ERBB4: variants seen among roughly 807,000 people sequenced by gnomAD.
ERBB4 encodes the protein receptor tyrosine-protein kinase erbB-4.
Under a neutral mutation model 158.0 loss-of-function variants are expected in ERBB4, and 42 were observed. The observed-to-expected ratio is 0.27, with a 90% confidence interval of 0.21 to 0.34. ERBB4 has a LOEUF of 0.34. Among genes scored for constraint, ERBB4 ranks in the 10% least tolerant of loss-of-function variants. The probability of loss-of-function intolerance (pLI) is 1.00; values close to 1 mark genes in which losing one functional copy is unlikely to be tolerated. For synonymous variants in ERBB4, 583 were observed against 558.7 expected, an observed-to-expected ratio of 1.04 and a Z score of -0.61; for missense variants, 1,333 against 1,624.1, an observed-to-expected ratio of 0.82 and a Z score of 3.08.
intron 1 of ERBB4, among the ~76,000 whole-genome samples, chr2:212,426,061 TCTC>T (rs1488731926): frequency 6.6e-6 from 1 of 152,014 alleles, no homozygotes; most frequent in Non-Finnish European, 1.5e-5. Flanking sequence ...TGAGACTTTA[TCTC>T]CTTTCACATT....
intron 3 of ERBB4, among the ~76,000 whole-genome samples, chr2:211,855,245 A>C (rs957863012): frequency 4.6e-5 from 7 of 152,130 alleles, no homozygotes; most frequent in African/African-American, 1.7e-4. Flanking sequence ...TTTGGATATA[A>C]GTCTTTGCCA....
At chr2:211,614,347 T>A (rs1463252464) in intron 19 of ERBB4, among the ~76,000 whole-genome samples, 1 of 151,964 alleles carries the variant, frequency 6.6e-6, no homozygotes, top group Non-Finnish European at 1.5e-5. Flanking sequence ...AGGCCTACTA[T>A]TTGATAGCAC....
At chr2:211,877,142 G>A (rs115157552) in intron 3 of ERBB4, among the ~76,000 whole-genome samples, 2 of 152,282 alleles carry the variant, frequency 1.3e-5, no homozygotes, top group Admixed American at 6.5e-5. Context: ...CAACTCTTAG[G>A]ACGAGTACAT....
intron 3 of ERBB4, among the ~76,000 whole-genome samples, chr2:211,823,649 A>G (rs909912392): frequency 2.6e-5 from 4 of 152,022 alleles, no homozygotes; most frequent in Non-Finnish European, 5.9e-5. Context: ...GGTAAATTCA[A>G]TGTTAATACA....
intron 19 of ERBB4, among the ~76,000 whole-genome samples, chr2:211,618,158 T>G (rs1484066292): frequency 2.6e-5 from 4 of 152,016 alleles, no homozygotes; most frequent in Non-Finnish European, 5.9e-5. Context: ...GGGTAATTAC[T>G]TGACTCAGGT....
chr2:212,004,709 C>T (rs923050432), intron 2 of ERBB4, among the ~76,000 whole-genome samples: 3 of 152,106 alleles, frequency 2.0e-5, no homozygotes, highest in African/African-American at 2.4e-5. Flanking sequence ...TATCACACTA[C>T]AGAGAGGTAT....
chr2:211,847,851 C>T (rs1392300412), intron 3 of ERBB4, among the ~76,000 whole-genome samples: 2 of 152,006 alleles, frequency 1.3e-5, no homozygotes, highest in African/African-American at 4.8e-5. Flanking sequence ...TAGCGTGATG[C>T]CATTGTGTGT....
intron 13 of ERBB4, 126 bp downstream of exon 13, chr2:211,678,926 C>T (rs913495241): frequency 2.6e-5 from 23 of 878,460 alleles, no homozygotes; most frequent in Middle Eastern, 3.7e-4. Context: ...GAGATCGTGC[C>T]GCTGCACTCC....
chr2:211,571,387 T>C (rs1281431741), intron 19 of ERBB4, among the ~76,000 whole-genome samples: 2 of 152,194 alleles, frequency 1.3e-5, no homozygotes, highest in African/African-American at 4.8e-5. Flanking sequence ...CATGATTTGA[T>C]TTAGTTTGAA....
At chr2:212,312,119 C>T (rs1312764694) in intron 1 of ERBB4, among the ~76,000 whole-genome samples, 1 of 150,982 alleles carries the variant, frequency 6.6e-6, no homozygotes, top group African/African-American at 2.4e-5. Flanking sequence ...AAGTCTCTCT[C>T]ATAATCCTAT....
intron 1 of ERBB4, among the ~76,000 whole-genome samples, chr2:212,457,793 A>T (rs866207585): frequency 2.0e-5 from 3 of 152,014 alleles, no homozygotes; most frequent in Admixed American, 6.6e-5. Flanking sequence ...TCCAAACACA[A>T]TATTCTTTTT....
chr2:212,037,300 C>A (rs1375309485), intron 2 of ERBB4, among the ~76,000 whole-genome samples: 2 of 152,004 alleles, frequency 1.3e-5, no homozygotes, highest in African/African-American at 4.8e-5. Context: ...AGCATGGAGC[C>A]CTGCTATGTT....
chr2:211,945,271 A>G (rs1376180830), intron 3 of ERBB4, among the ~76,000 whole-genome samples: 1 of 152,114 alleles, frequency 6.6e-6, no homozygotes, highest in Non-Finnish European at 1.5e-5. Context: ...TCATGCATAC[A>G]TGTAACTTCT....
chr2:211,878,553 A>C (rs2078572499), intron 3 of ERBB4, among the ~76,000 whole-genome samples: 1 of 152,158 alleles, frequency 6.6e-6, no homozygotes, highest in Non-Finnish European at 1.5e-5. Flanking sequence ...TACAGTTTTC[A>C]GGATAAATAT....
At chr2:212,171,784 G>A (rs951169909) in intron 1 of ERBB4, among the ~76,000 whole-genome samples, 1 of 152,122 alleles carries the variant, frequency 6.6e-6, no homozygotes. Context: ...GGCCTACCCA[G>A]TCATGAGGAA....
intron 2 of ERBB4, among the ~76,000 whole-genome samples, chr2:212,109,261 C>G (rs1489148546): frequency 6.6e-6 from 1 of 152,154 alleles, no homozygotes; most frequent in East Asian, 1.9e-4. Flanking sequence ...ATTTTCCCAT[C>G]TAACAAGGCA....
At chr2:212,263,838 C>A (rs2085033282) in intron 1 of ERBB4, among the ~76,000 whole-genome samples, 1 of 151,592 alleles carries the variant, frequency 6.6e-6, no homozygotes, top group Non-Finnish European at 1.5e-5. Context: ...CTCTCACATT[C>A]TCTCTTTTCA....
chr2:212,277,950 A>G (rs956583421), intron 1 of ERBB4, among the ~76,000 whole-genome samples: 3 of 139,810 alleles, frequency 2.1e-5, no homozygotes, highest in Admixed American at 7.8e-5. Flanking sequence ...GAACAACTTG[A>G]AAAAAAATCA....
intron 3 of ERBB4, among the ~76,000 whole-genome samples, chr2:211,863,656 G>A (rs549274434): frequency 9.9e-5 from 15 of 152,244 alleles, no homozygotes; most frequent in African/African-American, 3.6e-4. Context: ...CCAGAAGGAA[G>A]AAACTCCAGA....
Sources: gnomAD v4.1 joint callset for allele counts (sites outside exome capture counted in the v4.1 genomes callset) on GRCh38, gnomAD v4.1.1 for gene constraint, MANE v1.5 for transcripts, NCBI Gene and HGNC (gene_info 2026-07-23, HGNC 2026-07-21) for gene names.